The following EIF4G3 variants were observed in gnomAD, a reference collection of about 807,000 sequenced individuals.
EIF4G3 encodes eukaryotic translation initiation factor 4 gamma 3, also known as eIF-4-gamma 3.
A neutral mutation model predicts 186.4 loss-of-function variants in EIF4G3; 34 were observed. That is an observed-to-expected ratio of 0.18 (90% CI 0.14 to 0.24). The LOEUF (loss-of-function observed/expected upper bound fraction) is 0.24. Among genes scored for constraint, EIF4G3 ranks in the 10% least tolerant of loss-of-function variants. EIF4G3 has a pLI of 1.00. For synonymous variants in EIF4G3, 673 were observed against 679.5 expected (o/e 0.99, Z 0.15); for missense variants, 1,536 against 1,948.5 (o/e 0.79, Z 3.99).
intron 3 of EIF4G3, among the ~76,000 whole-genome samples, chr1:21,079,857 T>G (rs1356842579): frequency 1.3e-5 from 2 of 151,648 alleles, no homozygotes; most frequent in African/African-American, 2.4e-5. Context: ...ATTTTAAAAA[T>G]TAGCCAGGCA....
chr1:21,128,836 A>G (rs1354331662), intron 2 of EIF4G3, among the ~76,000 whole-genome samples: 1 of 152,132 alleles, frequency 6.6e-6, no homozygotes, highest in East Asian at 1.9e-4. Context: ...TTACTATTAG[A>G]TTTCTGTTTC....
intron 2 of EIF4G3, among the ~76,000 whole-genome samples, chr1:21,129,962 G>A (rs1381822413): frequency 1.3e-5 from 2 of 152,260 alleles, no homozygotes; most frequent in South Asian, 4.1e-4. Flanking sequence ...GATGAGGGTG[G>A]ATCAGGATAA....
intron 4 of EIF4G3, among the ~76,000 whole-genome samples, chr1:21,020,440 A>G (rs970590399): frequency 1.3e-5 from 2 of 152,166 alleles, no homozygotes; most frequent in African/African-American, 4.8e-5. Flanking sequence ...CAGTGAGCCA[A>G]GATCATGTCA....
chr1:20,810,925 T>C lies in EIF4G3; in HGVS notation c.4598-41A>G, dbSNP rs781459727. ...GAACTAGGAATTACATTTAAGGAGTTAACATAGAATTATCTTTAATTTTCT... is the reference window on the plus strand; with the variant it reads ...GAACTAGGAATTACATTTAAGGAGTCAACATAGAATTATCTTTAATTTTCT... On this transcript the variant is annotated intron_variant, in intron 35 of 36. Coordinates refer to ENST00000602326, the MANE Select transcript of EIF4G3 (RefSeq NM_001391906.1). This position sits in a 1 kb window ranked among gnomAD's most constrained non-coding sequence, Gnocchi z 4.1. 4 of 1,558,650 alleles carry C rather than the reference T, an allele frequency of 2.6e-6. No individual in the cohort carries two copies. In the South Asian group the frequency reaches 4.6e-5, roughly 18 times the overall value.
chr1:21,003,032 G>A (rs1306323643), intron 4 of EIF4G3, among the ~76,000 whole-genome samples: 1 of 139,456 alleles, frequency 7.2e-6, no homozygotes, highest in Non-Finnish European at 1.5e-5. Context: ...GTCTTGCTCT[G>A]TCACCCGGGC....
At chr1:20,845,327 T>C (rs953464417) in intron 29 of EIF4G3, among the ~76,000 whole-genome samples, 59 of 152,320 alleles carry the variant, frequency 3.9e-4, no homozygotes, top group African/African-American at 1.3e-3. Context: ...TGTCTGTTCT[T>C]GTACCACACC....
chr1:21,146,313 T>C (rs959448645), intron 2 of EIF4G3, among the ~76,000 whole-genome samples: 9 of 151,830 alleles, frequency 5.9e-5, no homozygotes, highest in Middle Eastern at 3.4e-3. Flanking sequence ...AGGTGAGCCA[T>C]GGCTACACCA....
chr1:21,126,481 C>A (rs1243569270), intron 2 of EIF4G3, among the ~76,000 whole-genome samples: 1 of 151,992 alleles, frequency 6.6e-6, no homozygotes, highest in Non-Finnish European at 1.5e-5. Flanking sequence ...GGCAACACAG[C>A]AAGCCGCCAT....
intron 19 of EIF4G3, among the ~76,000 whole-genome samples, chr1:20,885,591 A>C (rs2083866143): frequency 6.6e-6 from 1 of 152,238 alleles, no homozygotes; most frequent in Admixed American, 6.5e-5. Flanking sequence ...AAGCAAAAAC[A>C]TCTCAAGTCG....
intron 30 of EIF4G3, among the ~76,000 whole-genome samples, chr1:20,831,653 A>G (rs1346411845): frequency 2.0e-5 from 3 of 147,234 alleles, no homozygotes; most frequent in Non-Finnish European, 3.0e-5. Flanking sequence ...ACATGTGCAC[A>G]TTGTGCAGGT....
intron 16 of EIF4G3, among the ~76,000 whole-genome samples, chr1:20,899,398 G>A (rs12095358): frequency 6.6e-6 from 1 of 152,178 alleles, no homozygotes; most frequent in Non-Finnish European, 1.5e-5. Context: ...CAATTAAAAC[G>A]AATGCAATAA....
At chr1:21,148,047 C>A (rs1315782217) in intron 2 of EIF4G3, among the ~76,000 whole-genome samples, 1 of 152,126 alleles carries the variant, frequency 6.6e-6, no homozygotes, top group Non-Finnish European at 1.5e-5. Context: ...AAGCATTATG[C>A]ACAAAGATGG....
intron 2 of EIF4G3, among the ~76,000 whole-genome samples, chr1:21,105,003 T>C (rs1404871225): frequency 6.6e-6 from 1 of 152,064 alleles, no homozygotes; most frequent in Non-Finnish European, 1.5e-5. Context: ...AGCTAAAAAT[T>C]GAGTACGCAT....
At chr1:21,013,152 TCA>T (rs1279971866) in intron 4 of EIF4G3, among the ~76,000 whole-genome samples, 1 of 151,818 alleles carries the variant, frequency 6.6e-6, no homozygotes, top group Non-Finnish European at 1.5e-5. Context: ...CTGGGAGGGA[TCA>T]CAGTGTGAAA....
At chr1:21,025,487 T>G (rs531601969) in intron 4 of EIF4G3, among the ~76,000 whole-genome samples, 1 of 152,040 alleles carries the variant, frequency 6.6e-6, no homozygotes, top group Non-Finnish European at 1.5e-5. Context: ...TCATATATTA[T>G]AGAAACAGCA....
chr1:21,030,103 G>A (rs561581272), intron 4 of EIF4G3, among the ~76,000 whole-genome samples: 35 of 152,164 alleles, frequency 2.3e-4, no homozygotes, highest in African/African-American at 5.1e-4. Flanking sequence ...CAAACTCCTC[G>A]CTTCAAGTGA....
intron 18 of EIF4G3, among the ~76,000 whole-genome samples, chr1:20,887,839 A>G (rs1428699618): frequency 6.6e-6 from 1 of 152,200 alleles, no homozygotes; most frequent in Non-Finnish European, 1.5e-5. Context: ...AACAATTCTG[A>G]TAGAAAAATG....
rs183829137 is a variant in EIF4G3, at chr1:20,824,771, T to C, written c.4368+329A>G. Among the ~76,000 whole-genome samples the C allele has an allele frequency of 5.8e-4, 88 of 152,308 alleles. 1 individual carries two copies. Among genetic ancestry groups the C allele is most frequent in the African/African-American group, 2.1e-3 (88 of 41,578 alleles). On this transcript the variant is annotated intron_variant, in intron 33 of 36. Transcript: ENST00000602326. ...TCTCCATTCCCCACAGAATAACTTCTGGCTGCTTCTGGCCTGCCATCAGAC... is the reference window on the plus strand; with the variant it reads ...TCTCCATTCCCCACAGAATAACTTCCGGCTGCTTCTGGCCTGCCATCAGAC...
chr1:21,031,378 T>G, intron 4 of EIF4G3, among the ~76,000 whole-genome samples: 1 of 124,906 alleles, frequency 8.0e-6, no homozygotes, highest in African/African-American at 3.1e-5. Context: ...AAATGAGGAA[T>G]GATGGCAAAA....
Sources: gnomAD v4.1 joint callset for allele counts (sites outside exome capture counted in the v4.1 genomes callset) on GRCh38, gnomAD v4.1.1 for gene constraint, Gnocchi (gnomAD v3.1) non-coding constraint, MANE v1.5 for transcripts, NCBI Gene and HGNC (gene_info 2026-07-23, HGNC 2026-07-21) for gene names.